The following CXXC5 variants were observed in gnomAD, a reference collection of about 807,000 sequenced individuals.
CXXC5 encodes CXXC-type zinc finger protein 5.
A neutral mutation model predicts 17.6 loss-of-function variants in CXXC5; 2 were observed. The observed-to-expected ratio is 0.11, with a 90% confidence interval of 0.05 to 0.36. The LOEUF is 0.36. Among genes scored for constraint, CXXC5 ranks in the 10% least tolerant of loss-of-function variants. The probability of loss-of-function intolerance (pLI) is 1.00; values close to 1 mark genes in which losing one functional copy is unlikely to be tolerated. For missense variants in CXXC5, 343 were observed against 458.3 expected (o/e 0.75, Z 2.30); for synonymous variants, 171 against 193.0 (o/e 0.89, Z 0.94).
chr5:139,653,857 A>AGGAG (rs1466553526), intron 1 of CXXC5, among the ~76,000 whole-genome samples: 7 of 151,980 alleles, frequency 4.6e-5, no homozygotes, highest in African/African-American at 7.3e-5. Flanking sequence ...CACAGGGCCT[A>AGGAG]GGAGGGAGGG....
intron 1 of CXXC5, among the ~76,000 whole-genome samples, chr5:139,672,788 G>A (rs1291283467): frequency 1.3e-5 from 2 of 152,154 alleles, no homozygotes; most frequent in Non-Finnish European, 2.9e-5. Flanking sequence ...GGCGGAAAGA[G>A]CTTGGTCAAA....
intron 1 of CXXC5, among the ~76,000 whole-genome samples, chr5:139,650,592 C>T (rs1487437602): frequency 6.6e-6 from 1 of 152,200 alleles, no homozygotes; most frequent in Non-Finnish European, 1.5e-5. Flanking sequence ...GATTTGAACG[C>T]CCGGCTCCAC....
At chr5:139,660,009 C>A (rs986919312) in intron 1 of CXXC5, among the ~76,000 whole-genome samples, 1 of 152,100 alleles carries the variant, frequency 6.6e-6, no homozygotes, top group African/African-American at 2.4e-5. Flanking sequence ...GAATTTGGTG[C>A]GTGTGGGGCT....
intron 1 of CXXC5, among the ~76,000 whole-genome samples, chr5:139,677,112 G>A (rs766137084): frequency 2.0e-5 from 3 of 152,134 alleles, no homozygotes; most frequent in South Asian, 4.2e-4. Flanking sequence ...CGCTGGCTCC[G>A]CATTGCTGAT....
rs1005798496 is a variant in CXXC5, at chr5:139,668,288, G to C, written c.-160-12076G>C. ...AGGGGAGGCCAGCCTTCTCGGTGCG[G>C]AATCTCCTTGGCCCAGGCCTTCCCA... is the stretch of plus-strand genomic sequence containing the variant. On this transcript the variant is annotated intron_variant, in intron 1 of 2. Coordinates refer to ENST00000302517, the MANE Select transcript of CXXC5 (RefSeq NM_016463.9). The surrounding 1 kb of genome is among the most constrained non-coding windows in gnomAD (Gnocchi z 4.1). 1.3e-5 allele frequency among the ~76,000 whole-genome samples: 2 copies of C among 152,092 alleles called. No homozygotes were observed. The highest frequency in any genetic ancestry group is 2.9e-5 in the Non-Finnish European group (2 of 67,994).
In CXXC5 at chr5:139,661,741, C is replaced by T. The variant is rs554722057; in HGVS notation, c.-161+12896C>T. ...CAGGGCTCTGTTCCCCTAGACGCCC[C>T]GTGTTTAGGCTTACACGGAAGAGGC... On this transcript the variant is annotated intron_variant, in intron 1 of 2. Transcript: ENST00000302517. This position sits in a 1 kb window ranked among gnomAD's most constrained non-coding sequence, Gnocchi z 4.7. Among the ~76,000 whole-genome samples, 55 of 152,394 alleles carry T rather than the reference C, an allele frequency of 3.6e-4. No homozygotes were observed. The highest frequency in any genetic ancestry group is 1.3e-3 in the African/African-American group (54 of 41,602).
intron 1 of CXXC5, among the ~76,000 whole-genome samples, chr5:139,657,654 A>G (rs994418193): frequency 1.3e-5 from 2 of 152,180 alleles, no homozygotes; most frequent in African/African-American, 2.4e-5. Context: ...AAGCCAAGCC[A>G]GTGGGGCGGG....
At chr5:139,674,996 C>T (rs1172359989) in intron 1 of CXXC5, among the ~76,000 whole-genome samples, 1 of 152,190 alleles carries the variant, frequency 6.6e-6, no homozygotes, top group Non-Finnish European at 1.5e-5. Context: ...CCTTAACTCT[C>T]AAACTAGCAG....
At chr5:139,665,186 C>T (rs539046047) in intron 1 of CXXC5, among the ~76,000 whole-genome samples, 6 of 152,384 alleles carry the variant, frequency 3.9e-5, no homozygotes, top group South Asian at 4.1e-4. Context: ...TGACGCTGCC[C>T]GCTCCTGCTC....
intron 1 of CXXC5, among the ~76,000 whole-genome samples, chr5:139,672,844 C>A (rs1035320353): frequency 3.3e-5 from 5 of 152,186 alleles, no homozygotes; most frequent in African/African-American, 1.2e-4. Flanking sequence ...ACCTAGGCCT[C>A]AGGCCTCCAG....
chr5:139,683,084 C>T lies in CXXC5; in HGVS notation c.*177C>T, dbSNP rs931996182. 2.2e-6 allele frequency: 1 copy of T among 462,208 alleles called. No individual in the cohort carries two copies. The allele number at this position is 462,208 out of a possible 1,614,324, so 28.6% of individuals were successfully genotyped here. A position where few individuals can be genotyped will look rare whatever the true frequency, so the allele number is the denominator to read the frequency against. ...TTTTGTTGTCGTTTTAACATCTCCA[C>T]GTCCCTAGCATAAAAAGAAAAAGAA... On this transcript the variant is annotated 3_prime_UTR_variant, in exon 3 of 3. Transcript: ENST00000302517.
At chr5:139,674,412 G>A (rs527374391) in intron 1 of CXXC5, among the ~76,000 whole-genome samples, 9 of 152,200 alleles carry the variant, frequency 5.9e-5, no homozygotes, top group Admixed American at 3.9e-4. Context: ...GACAAGGGCC[G>A]GGATGTCAAG....
Position 139,668,641 on chromosome 5 carries a change from C to T in CXXC5, c.-160-11723C>T, listed in dbSNP as rs566928211. 5.3e-5 allele frequency among the ~76,000 whole-genome samples: 8 copies of T among 152,312 alleles called. No homozygotes were observed. The East Asian group carries it at 1.5e-3, about 29-fold the overall frequency. Reference sequence around the variant, plus strand: ...CCCAGGACGCCCTATCCCTGAACCCCATCGTGGCGTGCAGGTCTGAGTAGG... The same window carrying T: ...CCCAGGACGCCCTATCCCTGAACCCTATCGTGGCGTGCAGGTCTGAGTAGG... On this transcript the variant is annotated intron_variant, in intron 1 of 2. Coordinates refer to ENST00000302517, the MANE Select transcript of CXXC5 (RefSeq NM_016463.9). This position sits in a 1 kb window ranked among gnomAD's most constrained non-coding sequence, Gnocchi z 4.1.
intron 2 of CXXC5, 78 bp from the exon 3 acceptor site, chr5:139,682,785 T>G: frequency 7.1e-7 from 1 of 1,410,390 alleles, no homozygotes; most frequent in Non-Finnish European, 9.6e-7. Flanking sequence ...AGGCCATCCA[T>G]GGGGGAACGT....
In CXXC5 at chr5:139,680,966, C is replaced by T; in HGVS notation, c.443C>T (p.Ala148Val). The change falls in exon 2 of 3, where the codon GCA becomes GTA. Residue 148 changes from alanine (A) to valine (V), a missense_variant. Physicochemically the swap from Ala to Val is moderately conservative, Grantham distance 64 (BLOSUM62 0). This residue lies in a region of CXXC5 where 297 missense variants were observed against 363.4 expected (regional missense o/e 0.82). Coordinates refer to ENST00000302517, the MANE Select transcript of CXXC5 (RefSeq NM_016463.9). ...SGAVASLLSK[A>V]ERATELAAEG... Reference sequence around the variant, plus strand: ...GCTGTGGCCAGCCTGCTGAGCAAGGCAGAGCGGGCCACGGAGCTGGCAGCC... The same window carrying T: ...GCTGTGGCCAGCCTGCTGAGCAAGGTAGAGCGGGCCACGGAGCTGGCAGCC... 6.2e-7 allele frequency: 1 copy of T among 1,601,988 alleles called. No individual in the cohort carries two copies. Among genetic ancestry groups the T allele is most frequent in the Non-Finnish European group, 8.5e-7 (1 of 1,179,922 alleles).
chr5:139,667,189 C>G (rs967029461), intron 1 of CXXC5, among the ~76,000 whole-genome samples: 4 of 152,214 alleles, frequency 2.6e-5, no homozygotes, highest in African/African-American at 9.6e-5. Flanking sequence ...AAGTGGGTCA[C>G]ACCCACTCCC....
chr5:139,649,225 G>T (rs10447226), intron 1 of CXXC5: 38,187 of 152,204 alleles, frequency 0.25, 5,088 homozygotes, highest in South Asian at 0.31. Context: ...TGGGACGGCG[G>T]CTTGGGCGCC....
rs369671117 is a variant in CXXC5 at position 139,682,486 on chromosome 5, C to T, written c.925-377C>T. 1.3e-4 allele frequency among the ~76,000 whole-genome samples: 20 copies of T among 152,324 alleles called. No homozygotes were observed. In the East Asian group the frequency reaches 2.9e-3, roughly 22 times the overall value. On this transcript the variant is annotated intron_variant, in intron 2 of 2. Coordinates refer to ENST00000302517, the MANE Select transcript of CXXC5 (RefSeq NM_016463.9). ...ATACCCACCTCCCACAGCTCCATAC[C>T]ACACAGCTCAGCATAGCACGAGGCA...
At chr5:139,652,177 T>C (rs1460192354) in intron 1 of CXXC5, among the ~76,000 whole-genome samples, 1 of 149,478 alleles carries the variant, frequency 6.7e-6, no homozygotes, top group Non-Finnish European at 1.5e-5. Flanking sequence ...CGCGCGTGTG[T>C]GTGTGTGTGT....
Sources: allele counts gnomAD v4.1 joint callset (sites outside exome capture counted in the v4.1 genomes callset), GRCh38; gene constraint gnomAD v4.1.1; regional missense constraint gnomAD v4.1.1; non-coding constraint Gnocchi (gnomAD v3.1); transcripts MANE v1.5; gene names NCBI Gene and HGNC (gene_info 2026-07-23, HGNC 2026-07-21).